Variants in ZBTB20 observed in about 807,000 individuals in gnomAD.
ZBTB20 encodes the protein zinc finger and BTB domain-containing protein 20.
In ZBTB20, 9 loss-of-function variants were observed where a neutral mutation model predicts 56.9. That is an observed-to-expected ratio of 0.16 (90% CI 0.10 to 0.28). ZBTB20 has a LOEUF of 0.28. Among genes scored for constraint, ZBTB20 ranks in the 10% least tolerant of loss-of-function variants. ZBTB20 has a pLI of 1.00. For synonymous variants in ZBTB20, 417 were observed against 420.7 expected (o/e 0.99, Z 0.11); for missense variants, 655 against 1,003.0 (o/e 0.65, Z 4.69).
At chr3:115,061,138 A>G (rs2081997061) in intron 2 of ZBTB20, among the ~76,000 whole-genome samples, 1 of 152,110 alleles carries the variant, frequency 6.6e-6, no homozygotes. Flanking sequence ...CTTGAAAAAG[A>G]TATATTTACT....
chr3:114,461,905 A>G (rs541419566), intron 7 of ZBTB20, among the ~76,000 whole-genome samples: 85 of 152,272 alleles, frequency 5.6e-4, no homozygotes, highest in Non-Finnish European at 1.0e-3. Context: ...TAATGAAAAA[A>G]CACGTTGGAC....
At chr3:114,975,869 G>A (rs1270771012) in intron 2 of ZBTB20, among the ~76,000 whole-genome samples, 1 of 151,988 alleles carries the variant, frequency 6.6e-6, no homozygotes, top group African/African-American at 2.4e-5. Context: ...GTAACATAAG[G>A]GCAGGCACTT....
At chr3:114,792,690 T>G (rs986269498) in intron 5 of ZBTB20, among the ~76,000 whole-genome samples, 1 of 152,072 alleles carries the variant, frequency 6.6e-6, no homozygotes, top group Non-Finnish European at 1.5e-5. Flanking sequence ...TTGGCACACA[T>G]GGAAGGTAAT....
intron 5 of ZBTB20, among the ~76,000 whole-genome samples, chr3:114,708,187 A>G (rs73224545): frequency 1.1e-3 from 168 of 152,342 alleles, no homozygotes; most frequent in Middle Eastern, 3.4e-3. Context: ...CATTTGCAGC[A>G]TAAATGACTA....
chr3:114,676,798 T>C (rs567528148), intron 6 of ZBTB20, among the ~76,000 whole-genome samples: 31 of 141,916 alleles, frequency 2.2e-4, no homozygotes, highest in Non-Finnish European at 3.7e-4. Flanking sequence ...TTTTTGGAGA[T>C]GGAGTGTCAC....
At chr3:114,751,034 T>A (rs558868979) in intron 5 of ZBTB20, among the ~76,000 whole-genome samples, 1 of 152,300 alleles carries the variant, frequency 6.6e-6, no homozygotes, top group East Asian at 1.9e-4. Context: ...ACTAAAGCAA[T>A]CTTTTTATGA....
chr3:114,544,278 C>T (rs545395874), intron 6 of ZBTB20, among the ~76,000 whole-genome samples: 56 of 151,970 alleles, frequency 3.7e-4, no homozygotes, highest in Middle Eastern at 3.4e-3. Context: ...CCAAGAATTG[C>T]CAACCATGAA....
intron 6 of ZBTB20, among the ~76,000 whole-genome samples, chr3:114,616,665 T>C (rs1457868982): frequency 6.6e-6 from 1 of 152,182 alleles, no homozygotes; most frequent in Non-Finnish European, 1.5e-5. Context: ...ATTTTAACTA[T>C]TACCATGATT....
intron 7 of ZBTB20, among the ~76,000 whole-genome samples, chr3:114,454,174 G>GA: frequency 4.0e-5 from 3 of 75,236 alleles, no homozygotes; most frequent in Admixed American, 1.5e-4. Context: ...GAAAAGAGAA[G>GA]GGAGAGAGAG....
chr3:114,815,686 G>C (rs754821267), intron 4 of ZBTB20, among the ~76,000 whole-genome samples: 1 of 151,852 alleles, frequency 6.6e-6, no homozygotes, highest in African/African-American at 2.4e-5. Context: ...TCATGAATTT[G>C]GTTTTATTCA....
intron 10 of ZBTB20, among the ~76,000 whole-genome samples, chr3:114,376,980 T>C (rs1025051078): frequency 1.3e-5 from 2 of 152,204 alleles, no homozygotes; most frequent in Non-Finnish European, 2.9e-5. Flanking sequence ...ATCACATGTA[T>C]ATGACTGTGA....
chr3:115,054,642 G>A (rs1039599126), intron 2 of ZBTB20, among the ~76,000 whole-genome samples: 7 of 151,986 alleles, frequency 4.6e-5, no homozygotes, highest in African/African-American at 1.7e-4. Flanking sequence ...AATATTTAAG[G>A]TTAACCTTTA....
chr3:114,555,499 C>G (rs1217123339), intron 6 of ZBTB20, among the ~76,000 whole-genome samples: 1 of 152,082 alleles, frequency 6.6e-6, no homozygotes, highest in Non-Finnish European at 1.5e-5. Flanking sequence ...ATGATTGGTA[C>G]ACCTGAATCT....
chr3:114,798,285 C>T (rs905843570), intron 5 of ZBTB20, among the ~76,000 whole-genome samples: 1 of 151,322 alleles, frequency 6.6e-6, no homozygotes, highest in African/African-American at 2.4e-5. Flanking sequence ...ATAAATTTGC[C>T]TCTACAGGAC....
intron 5 of ZBTB20, among the ~76,000 whole-genome samples, chr3:114,775,541 CAAA>C (rs947774850): frequency 5.1e-5 from 6 of 118,770 alleles, no homozygotes; most frequent in Non-Finnish European, 3.7e-5. Context: ...GGGCTTTTGG[CAAA>C]AAAAAAAAAA....
chr3:114,767,446 C>T (rs774646245), intron 5 of ZBTB20, among the ~76,000 whole-genome samples: 4 of 151,326 alleles, frequency 2.6e-5, no homozygotes, highest in Non-Finnish European at 5.9e-5. Flanking sequence ...ATAAAATGGG[C>T]CCTTAATTAA....
chr3:114,909,800 T>C (rs9871203), intron 3 of ZBTB20, among the ~76,000 whole-genome samples: 56,915 of 151,800 alleles, frequency 0.37, 12,631 homozygotes, highest in Non-Finnish European at 0.52. Flanking sequence ...GCAATGCAGC[T>C]AAACAGTCTT....
chr3:114,414,194 T>C (rs934751651), intron 7 of ZBTB20, among the ~76,000 whole-genome samples: 40 of 152,286 alleles, frequency 2.6e-4, no homozygotes, highest in Admixed American at 2.4e-3. Flanking sequence ...GAAACTCTTC[T>C]CTATCAACTA....
chr3:114,906,639 A>G (rs928744054), intron 3 of ZBTB20, among the ~76,000 whole-genome samples: 3 of 151,546 alleles, frequency 2.0e-5, no homozygotes, highest in Non-Finnish European at 3.0e-5. Context: ...ACAAGTAGCT[A>G]TTAGCATTAT....
Sources: gnomAD v4.1 joint callset for allele counts (sites outside exome capture counted in the v4.1 genomes callset) on GRCh38, gnomAD v4.1.1 for gene constraint, MANE v1.5 for transcripts, NCBI Gene and HGNC (gene_info 2026-07-23, HGNC 2026-07-21) for gene names.